SLC25A25: variants seen among roughly 807,000 people sequenced by gnomAD.
SLC25A25 encodes the protein mitochondrial adenyl nucleotide antiporter SLC25A25.
SLC25A25 carries 32 observed loss-of-function variants against 57.7 expected under a neutral mutation model. The observed-to-expected ratio is 0.55, with a 90% CI of 0.42 to 0.74. The LOEUF (loss-of-function observed/expected upper bound fraction) is 0.74. Ranked by LOEUF, SLC25A25 falls within the 30% of genes least tolerant of loss-of-function variation. The pLI is 0.00. For synonymous variants in SLC25A25, 306 were observed against 291.2 expected, an observed-to-expected ratio of 1.05 and a Z score of -0.52; for missense variants, 556 against 701.3, an observed-to-expected ratio of 0.79 and a Z score of 2.34.
chr9:128,108,839 A>C lies in SLC25A25; in HGVS notation c.*1395A>C, dbSNP rs1834156497. ...TTTCAGGGTTTGACTGGGGGCGTGG[A>C]GAGAGAGGGAGGAACCTCAATAACC... On this transcript the variant is annotated 3_prime_UTR_variant, in exon 11 of 11. Coordinates refer to ENST00000373069, the MANE Select transcript of SLC25A25 (RefSeq NM_001330988.2). The C allele has an allele frequency of 6.6e-6, 1 of 152,170 alleles. No homozygotes were observed. The highest frequency in any genetic ancestry group is 2.4e-5 in the African/African-American group (1 of 41,420). The allele number at this position is 152,170 out of a possible 1,614,324, so 9.4% of individuals were successfully genotyped here. A position where few individuals can be genotyped will look rare whatever the true frequency, so the allele number is the denominator to read the frequency against.
At chr9:128,092,913 C>T (rs1355970477) in intron 1 of SLC25A25, among the ~76,000 whole-genome samples, 2 of 152,154 alleles carry the variant, frequency 1.3e-5, no homozygotes, top group East Asian at 1.9e-4. Flanking sequence ...ATGGAGTGCT[C>T]AGTATTAGAA....
intron 1 of SLC25A25, among the ~76,000 whole-genome samples, chr9:128,073,478 C>G (rs1299353932): frequency 6.6e-6 from 1 of 152,160 alleles, no homozygotes; most frequent in Non-Finnish European, 1.5e-5. Flanking sequence ...CTTAATCAGA[C>G]AGACTGTTGA....
chr9:128,106,585 C>T (rs770450741), intron 9 of SLC25A25, 65 bp downstream of exon 9: 3 of 1,505,350 alleles, frequency 2.0e-6, no homozygotes, highest in Non-Finnish European at 2.7e-6. Flanking sequence ...CTGTCTCCCT[C>T]CTTGACGGAC....
rs1459485015 is a variant in SLC25A25 at position 128,102,918 on chromosome 9, G to A, written c.624+437G>A. Among the ~76,000 whole-genome samples the A allele has an allele frequency of 1.3e-5, 2 of 152,110 alleles. No homozygotes were observed. Among genetic ancestry groups the A allele is most frequent in the African/African-American group, 4.8e-5 (2 of 41,404 alleles). On this transcript the variant is annotated intron_variant, in intron 5 of 10. Transcript: ENST00000373069. The surrounding 1 kb of genome is among the most constrained non-coding windows in gnomAD (Gnocchi z 4.1). ...ACGGTCACACATTTGCTGCCCTCTC[G>A]CCCCCGTCCACTGTGGTTTCATGTT...
In SLC25A25 at chr9:128,099,891, G is replaced by A. The variant is rs749914722; in HGVS notation, c.262-1205G>A. Among the ~76,000 whole-genome samples, 7 of 152,140 alleles carry A rather than the reference G, an allele frequency of 4.6e-5. No homozygotes were observed. The highest frequency in any genetic ancestry group is 7.3e-5 in the Non-Finnish European group (5 of 68,030). On this transcript the variant is annotated intron_variant, in intron 1 of 10. Transcript: ENST00000373069. This position sits in a 1 kb window ranked among gnomAD's most constrained non-coding sequence, Gnocchi z 6.8. ...GTTGATTTCTCCCAGTGAGAAATCC[G>A]GAGGACACAGGAAGACTATACCATC...
In SLC25A25 at chr9:128,097,800, C is replaced by T. The variant is rs924650839; in HGVS notation, c.262-3296C>T. Among the ~76,000 whole-genome samples, 9 of 152,172 alleles carry T rather than the reference C, an allele frequency of 5.9e-5. No individual in the cohort carries two copies. The South Asian group carries it at 1.7e-3, about 28-fold the overall frequency. On this transcript the variant is annotated intron_variant, in intron 1 of 10. Transcript: ENST00000373069. ...CCCATCATGTCAGCTCCTGGGCACTCTGGGGCTCCTAGGTGAAGGCTGGTG... is the reference window on the plus strand; with the variant it reads ...CCCATCATGTCAGCTCCTGGGCACTTTGGGGCTCCTAGGTGAAGGCTGGTG...
chr9:128,107,525 TG>T lies in SLC25A25; in HGVS notation c.*82del. On this transcript the variant is annotated 3_prime_UTR_variant, in exon 11 of 11. Coordinates refer to ENST00000373069, the MANE Select transcript of SLC25A25 (RefSeq NM_001330988.2). ...GTGCAGCCATCTCATTCTGTGAATG[TG>T]CCAACACTAAGCTGTCTCGAGCCAA... The T allele has an allele frequency of 6.9e-7, 1 of 1,449,586 alleles. No individual in the cohort carries two copies. The highest frequency in any genetic ancestry group is 2.4e-5 in the Admixed American group (1 of 41,004). The allele number at this position is 1,449,586 out of a possible 1,614,324, so 89.8% of individuals were successfully genotyped here.
chr9:128,078,340 C>T (rs1472225011), intron 1 of SLC25A25, among the ~76,000 whole-genome samples: 1 of 152,026 alleles, frequency 6.6e-6, no homozygotes. Context: ...AGGTGAAAAG[C>T]GAAAGGCAAG....
rs775510321 is a variant in SLC25A25 at position 128,107,492 on chromosome 9, C to A, written c.*48C>A. The A allele has an allele frequency of 7.4e-6, 11 of 1,496,234 alleles. No homozygotes were observed. The African/African-American group carries it at 1.5e-4, about 21-fold the overall frequency. The allele number at this position is 1,496,234 out of a possible 1,614,324, so 92.7% of individuals were successfully genotyped here. A position where few individuals can be genotyped will look rare whatever the true frequency, so the allele number is the denominator to read the frequency against. On this transcript the variant is annotated 3_prime_UTR_variant, in exon 11 of 11. Coordinates refer to ENST00000373069, the MANE Select transcript of SLC25A25 (RefSeq NM_001330988.2). ...TGGACTCGCTGATCCTGGGCCGCAG[C>A]CTGGGGTGTGCAGCCATCTCATTCT...
chr9:128,068,338 T>A lies in SLC25A25; in HGVS notation c.19T>A (p.Cys7Ser). 6.5e-7 allele frequency: 1 copy of A among 1,529,924 alleles called. No homozygotes were observed. Among genetic ancestry groups the A allele is most frequent in the East Asian group, 2.6e-5 (1 of 37,866 alleles). The allele number at this position is 1,529,924 out of a possible 1,614,324, so 94.8% of individuals were successfully genotyped here. A position where few individuals can be genotyped will look rare whatever the true frequency, so the allele number is the denominator to read the frequency against. ...GCGCCCGATGGTGAGCAGTGTGTTGTGCCGCTGTGTGGCCTCCCCGCCGCC... is the reference window on the plus strand; with the variant it reads ...GCGCCCGATGGTGAGCAGTGTGTTGAGCCGCTGTGTGGCCTCCCCGCCGCC... MVSSVL[C>S]RCVASPPPDA... Residue 7 changes from cysteine to serine, a missense_variant, in exon 1 of 11, where the codon TGC becomes AGC. Around this residue, in one of 3 missense-constraint regions of SLC25A25, gnomAD observed 248 missense variants for 273.5 expected, o/e 0.91. Coordinates refer to ENST00000373069, the MANE Select transcript of SLC25A25 (RefSeq NM_001330988.2).
Position 128,079,820 on chromosome 9 carries a change from G to A in SLC25A25, c.261+11240G>A, listed in dbSNP as rs550566946. Among the ~76,000 whole-genome samples, 340 of 151,004 alleles carry A rather than the reference G, an allele frequency of 2.3e-3. 2 individuals are homozygous for A. Among genetic ancestry groups the A allele is most frequent in the South Asian group, 0.016 (75 of 4,780 alleles). On this transcript the variant is annotated intron_variant, in intron 1 of 10. Transcript: ENST00000373069. Reference sequence around the variant, plus strand: ...ATCCTGGCCAACATGGTGAAACCCCGTCTCTATTAAAAATACAAAAATTAG... The same window carrying A: ...ATCCTGGCCAACATGGTGAAACCCCATCTCTATTAAAAATACAAAAATTAG...
chr9:128,077,276 C>T (rs1311527497), intron 1 of SLC25A25, among the ~76,000 whole-genome samples: 2 of 151,970 alleles, frequency 1.3e-5, no homozygotes, highest in African/African-American at 4.8e-5. Flanking sequence ...GCCTGTAATC[C>T]CAGCACTTTG....
chr9:128,091,917 CT>C, intron 1 of SLC25A25: 2 of 1,613,134 alleles, frequency 1.2e-6, no homozygotes, highest in Non-Finnish European at 1.7e-6. Context: ...TTCCCCAGGG[CT>C]GGGTGCCACG....
At position 128,107,701 on chromosome 9, in the gene SLC25A25, A is replaced by G. The variant is rs1834111287; in HGVS notation, c.*257A>G. The G allele has an allele frequency of 2.3e-6, 1 of 431,236 alleles. No individual in the cohort carries two copies. Among genetic ancestry groups the G allele is most frequent in the Admixed American group, 3.8e-5 (1 of 26,198 alleles). The allele number at this position is 431,236 out of a possible 1,614,324, so 26.7% of individuals were successfully genotyped here. ...TCCAGGGTCAGCAGGCTCCGGGCTC[A>G]CATGTGTAAGGACAGGACATTTTCT... On this transcript the variant is annotated 3_prime_UTR_variant, in exon 11 of 11. Transcript: ENST00000373069.
At position 128,108,420 on chromosome 9, in the gene SLC25A25, G is replaced by C. The variant is rs962510390; in HGVS notation, c.*976G>C. 2 of 396,814 alleles carry C rather than the reference G, an allele frequency of 5.0e-6. No individual in the cohort carries two copies. The highest frequency in any genetic ancestry group is 4.1e-5 in the African/African-American group (2 of 48,604). 24.6% of individuals were successfully genotyped at this position (396,814 alleles called of 1,614,324 possible). Reference sequence around the variant, plus strand: ...GCAGGAGCTTGGCTGACTGCTCAGAGTCTGTTCTGACGCCCTGGGGGTTCC... The same window carrying C: ...GCAGGAGCTTGGCTGACTGCTCAGACTCTGTTCTGACGCCCTGGGGGTTCC... On this transcript the variant is annotated 3_prime_UTR_variant, in exon 11 of 11. Transcript: ENST00000373069.
chr9:128,070,950 C>CAAAAAAAAAAAAAA (rs531221205), intron 1 of SLC25A25, among the ~76,000 whole-genome samples: 2 of 57,450 alleles, frequency 3.5e-5, no homozygotes, highest in African/African-American at 5.9e-5. Context: ...AACTCCATCT[C>CAAAAAAAAAAAAAA]AAAAAAAAAA....
In SLC25A25 at chr9:128,099,513, G is replaced by T; in HGVS notation, c.262-1583G>T. On this transcript the variant is annotated intron_variant, in intron 1 of 10. Transcript: ENST00000373069. The surrounding 1 kb of genome is among the most constrained non-coding windows in gnomAD (Gnocchi z 6.8). The stretch of plus-strand genomic sequence containing the variant: ...CTGATGTTCGCCTCCTGCCTAAATG[G>T]CTTGTCCACTCTATTTCCATTCCTG... The T allele has an allele frequency of 1.5e-6, 1 of 650,712 alleles. No individual in the cohort carries two copies. Among genetic ancestry groups the T allele is most frequent in the South Asian group, 2.2e-5 (1 of 45,176 alleles). The allele number at this position is 650,712 out of a possible 1,614,324, so 40.3% of individuals were successfully genotyped here. A position where few individuals can be genotyped will look rare whatever the true frequency, so the allele number is the denominator to read the frequency against.
chr9:128,104,334 A>G (rs1833929158), intron 6 of SLC25A25, among the ~76,000 whole-genome samples: 1 of 152,314 alleles, frequency 6.6e-6, no homozygotes, highest in Non-Finnish European at 1.5e-5. Context: ...GTGACTGGCC[A>G]CCACTTGTCC....
chr9:128,075,221 C>G (rs1472602249), intron 1 of SLC25A25, among the ~76,000 whole-genome samples: 1 of 151,948 alleles, frequency 6.6e-6, no homozygotes, highest in Admixed American at 6.6e-5. Flanking sequence ...GCAGGAGGAT[C>G]GCTTGAGTCT....
Sources: allele counts gnomAD v4.1 joint callset (sites outside exome capture counted in the v4.1 genomes callset), GRCh38; gene constraint gnomAD v4.1.1; regional missense constraint gnomAD v4.1.1; non-coding constraint Gnocchi (gnomAD v3.1); transcripts MANE v1.5; gene names NCBI Gene and HGNC (gene_info 2026-07-23, HGNC 2026-07-21).